The following MYO9B variants were observed in gnomAD, a reference collection of about 807,000 sequenced individuals.
The protein encoded by MYO9B is myosin IXB.
A neutral mutation model predicts 229.5 loss-of-function variants in MYO9B; 71 were observed. The observed-to-expected ratio is 0.31, with a 90% CI of 0.26 to 0.38. The LOEUF (loss-of-function observed/expected upper bound fraction) is 0.38, where lower values mean the gene tolerates loss of function less well. Ranked by LOEUF, MYO9B falls within the 10% of genes least tolerant of loss-of-function variation. The pLI is 1.00. For synonymous variants in MYO9B, 1,185 were observed against 1,235.8 expected (o/e 0.96, Z 0.86); for missense variants, 2,255 against 2,920.5 (o/e 0.77, Z 5.25).
At chr19:17,186,344 G>A (rs369950922) in intron 18 of MYO9B, among the ~76,000 whole-genome samples, 4 of 152,122 alleles carry the variant, frequency 2.6e-5, no homozygotes, top group Non-Finnish European at 4.4e-5. Context: ...CACACAGCCC[G>A]CTGCTCACAT....
In MYO9B at chr19:17,202,855, A is replaced by G. The variant is rs370266862; in HGVS notation, c.4850A>G (p.Gln1617Arg). ...TGTTCCTCACAGCAGAGCAAAGCTC[A>G]GAAGAAGAAGCGGAAGCAGGAGCGT... ...DFEPVKQSKA[Q>R]KKKRKQERAV... Residue 1617 changes from glutamine to arginine, a missense_variant, in exon 29 of 40, where the codon CAG (glutamine) becomes CGG (arginine). Physicochemically the swap from Gln to Arg is conservative, Grantham distance 43 (BLOSUM62 1). Transcript: ENST00000682292. 7.5e-6 allele frequency: 12 copies of G among 1,600,794 alleles called. No homozygotes were observed. The African/African-American group carries it at 1.6e-4, about 21-fold the overall frequency.
chr19:17,152,563 CAA>C (rs199684217), intron 3 of MYO9B, 79 bp from the exon 4 acceptor site: 2,790 of 901,898 alleles, frequency 3.1e-3, no homozygotes, highest in East Asian at 3.6e-3. Flanking sequence ...ACTCCCATCT[CAA>C]AAAAAAAAAA....
intron 6 of MYO9B, among the ~76,000 whole-genome samples, chr19:17,156,303 A>G (rs762539125): frequency 8.6e-5 from 13 of 151,746 alleles, no homozygotes; most frequent in Non-Finnish European, 5.9e-5. Flanking sequence ...AGTCCCAGCT[A>G]CCTGAGAGGC....
At chr19:17,174,957 A>AAATT (rs1194831437) in intron 13 of MYO9B, among the ~76,000 whole-genome samples, 5 of 151,330 alleles carry the variant, frequency 3.3e-5, no homozygotes, top group Non-Finnish European at 7.4e-5. Flanking sequence ...AATAAATAAT[A>AAATT]AATTAATTAA....
At chr19:17,167,473 A>ATTTT (rs36062777) in intron 10 of MYO9B, among the ~76,000 whole-genome samples, 1 of 117,396 alleles carries the variant, frequency 8.5e-6, no homozygotes, top group Non-Finnish European at 1.7e-5. Flanking sequence ...TATTAGAGCT[A>ATTTT]TTTTTTTTTT....
chr19:17,198,001 T>C lies in MYO9B; in HGVS notation c.4113+143T>C, dbSNP rs373836142. ...CGCAGTGGCAGGGTAGAGGTTGTAG[T>C]GAGCCTCGCGAGACCAGGCCACTGC... On this transcript the variant is annotated intron_variant, in intron 23 of 39. Coordinates refer to ENST00000682292, the MANE Select transcript of MYO9B (RefSeq NM_004145.4). The C allele has an allele frequency of 1.3e-4, 175 of 1,330,784 alleles. 1 individual carries two copies. The African/African-American group carries it at 2.0e-3, about 15-fold the overall frequency. The allele number at this position is 1,330,784 out of a possible 1,614,324, so 82.4% of individuals were successfully genotyped here.
At position 17,172,961 on chromosome 19, in the gene MYO9B, C is replaced by T. The variant is rs1378413396; in HGVS notation, c.2138C>T (p.Ala713Val). Reference sequence around the variant, plus strand: ...CGGGCCGAGAGGGCCGAAAAGGCTGCAGGTGGGAGCTGGGGCGTGAACCCA... The same window carrying T: ...CGGGCCGAGAGGGCCGAAAAGGCTGTAGGTGGGAGCTGGGGCGTGAACCCA... ...RLRAERAEKA[A>V]GMSSPGAQSH... Residue 713 changes from alanine to valine, a missense_variant and splice_region_variant, in exon 13 of 40, where the codon GCA becomes GTA. Ala to Val is a moderately conservative substitution (Grantham distance 64). This residue lies in a region of MYO9B where 155 missense variants were observed against 159.1 expected (regional missense o/e 0.97). Transcript: ENST00000682292. This position sits in a 1 kb window ranked among gnomAD's most constrained non-coding sequence, Gnocchi z 8.2. 4 of 1,597,484 alleles carry T rather than the reference C, an allele frequency of 2.5e-6. No individual in the cohort carries two copies. Among genetic ancestry groups the T allele is most frequent in the South Asian group, 2.2e-5 (2 of 90,982 alleles).
Position 17,172,204 on chromosome 19 carries a change from C to G in MYO9B, c.1794-132C>G, listed in dbSNP as rs1266928234. The G allele has an allele frequency of 2.6e-6, 3 of 1,164,608 alleles. No homozygotes were observed. In the Admixed American group the frequency reaches 7.1e-5, roughly 27 times the overall value. 72.1% of individuals were successfully genotyped at this position (1,164,608 alleles called of 1,614,324 possible). A position where few individuals can be genotyped will look rare whatever the true frequency, so the allele number is the denominator to read the frequency against. On this transcript the variant is annotated intron_variant, in intron 11 of 39. Coordinates refer to ENST00000682292, the MANE Select transcript of MYO9B (RefSeq NM_004145.4). The surrounding 1 kb of genome is among the most constrained non-coding windows in gnomAD (Gnocchi z 8.2). ...CACCCACCCCTCTGTGCACAGAGCC[C>G]TGTGCCACTTCACTGCTCTGCCCAC...
rs1389852367 is a variant in MYO9B, at chr19:17,159,463, C to A, written c.1398C>A (p.Ile466=). 1.2e-6 allele frequency: 2 copies of A among 1,610,102 alleles called. No individual in the cohort carries two copies. Among genetic ancestry groups the A allele is most frequent in the East Asian group, 2.2e-5 (1 of 44,770 alleles). ...RKTVTVNDKL[I]LPYSLSEAIT... ...CGGTGACCGTCAACGACAAGCTTAT[C>A]CTTCCCTACAGCCTCAGCGAGGTGA... The change falls in exon 8 of 40, where the codon ATC becomes ATA. Residue 466 remains isoleucine (I), a synonymous_variant. Coordinates refer to ENST00000682292, the MANE Select transcript of MYO9B (RefSeq NM_004145.4).
intron 28 of MYO9B, 82 bp from the exon 29 acceptor site, chr19:17,202,760 G>A: frequency 1.4e-6 from 2 of 1,400,304 alleles, no homozygotes; most frequent in East Asian, 2.5e-5. Flanking sequence ...GTACCCACAC[G>A]CCTGAGTTAT....
chr19:17,190,712 A>G (rs62126160), intron 19 of MYO9B, among the ~76,000 whole-genome samples: 80,556 of 150,722 alleles, frequency 0.53, 23,408 homozygotes, highest in African/African-American at 0.74. Flanking sequence ...AGGCTGGATT[A>G]CAATGGCGCA....
chr19:17,146,138 G>A, intron 3 of MYO9B, among the ~76,000 whole-genome samples: 1 of 150,758 alleles, frequency 6.6e-6, no homozygotes, highest in East Asian at 2.0e-4. Flanking sequence ...TGGATGAATA[G>A]ATTCATGAAT....
Position 17,200,822 on chromosome 19 carries a change from TCAA to T in MYO9B, c.4560_4562del (p.Asn1520del). On this transcript the variant is annotated inframe_deletion, in exon 26 of 40. Coordinates refer to ENST00000682292, the MANE Select transcript of MYO9B (RefSeq NM_004145.4). Reference sequence around the variant, plus strand: ...CTCAAGTACCTGGACGAGTTCCTGCTCAACAAGGTGGGATCACTAGGCGAGGGC... The same window carrying T: ...CTCAAGTACCTGGACGAGTTCCTGCTCAAGGTGGGATCACTAGGCGAGGGC... 6.2e-7 allele frequency: 1 copy of T among 1,613,416 alleles called. No individual in the cohort carries two copies. The highest frequency in any genetic ancestry group is 8.5e-7 in the Non-Finnish European group (1 of 1,179,414).
chr19:17,203,298 C>A, intron 30 of MYO9B, 40 bp downstream of exon 30: 2 of 1,425,294 alleles, frequency 1.4e-6, no homozygotes, highest in Non-Finnish European at 1.9e-6. Context: ...CCCTCCATGT[C>A]CCCCACCACC....
chr19:17,076,479 G>C (rs1163125534), intron 1 of MYO9B, among the ~76,000 whole-genome samples: 1 of 152,114 alleles, frequency 6.6e-6, no homozygotes, highest in Non-Finnish European at 1.5e-5. Flanking sequence ...TAAGAACTGA[G>C]GGTAGGCTTA....
At chr19:17,210,458 C>T (rs375016265) in intron 37 of MYO9B, 78 bp downstream of exon 37, 10 of 1,459,802 alleles carry the variant, frequency 6.9e-6, no homozygotes, top group Non-Finnish European at 9.2e-6. Context: ...GCCCTGGGCC[C>T]CTCGTAGGAT....
chr19:17,125,307 C>CA (rs1568262361), intron 2 of MYO9B, among the ~76,000 whole-genome samples: 2 of 138,580 alleles, frequency 1.4e-5, no homozygotes, highest in Non-Finnish European at 3.1e-5. Context: ...TCCCCCCCCC[C>CA]CCAAAAAAAG....
At chr19:17,204,163 C>T (rs990457294) in intron 30 of MYO9B, among the ~76,000 whole-genome samples, 2 of 151,972 alleles carry the variant, frequency 1.3e-5, no homozygotes, top group African/African-American at 4.8e-5. Flanking sequence ...GGGACCCAGG[C>T]CCGTCCCCTC....
At chr19:17,100,544 T>G (rs1324542198) in intron 1 of MYO9B, among the ~76,000 whole-genome samples, 1 of 152,180 alleles carries the variant, frequency 6.6e-6, no homozygotes, top group Non-Finnish European at 1.5e-5. Flanking sequence ...CTGGTGTGCT[T>G]CTGGTGTCAC....
Sources: allele counts gnomAD v4.1 joint callset (sites outside exome capture counted in the v4.1 genomes callset), GRCh38; gene constraint gnomAD v4.1.1; regional missense constraint gnomAD v4.1.1; non-coding constraint Gnocchi (gnomAD v3.1); transcripts MANE v1.5; gene names NCBI Gene and HGNC (gene_info 2026-07-23, HGNC 2026-07-21).